Variants in EFEMP2 observed in about 807,000 individuals in gnomAD.
The protein encoded by EFEMP2 is EGF-containing fibulin-like extracellular matrix protein 2.
EFEMP2 carries 21 observed loss-of-function variants against 55.3 expected under a neutral mutation model. That is an observed-to-expected ratio of 0.38 (90% CI 0.27 to 0.55). EFEMP2 has a LOEUF of 0.55. EFEMP2 is among the 20% of genes least tolerant of loss of function. The probability of loss-of-function intolerance (pLI) is 0.77; values close to 1 mark genes in which losing one functional copy is unlikely to be tolerated. For synonymous variants in EFEMP2, 275 were observed against 242.3 expected (o/e 1.14, Z -1.25); for missense variants, 513 against 615.1 (o/e 0.83, Z 1.76).
chr11:65,866,513 T>G lies in EFEMP2; in HGVS notation c.*405A>C, dbSNP rs866269595. The stretch of plus-strand genomic sequence containing the variant: ...ACTAGGGCTTATCCAAATGTACAGT[T>G]TGAGGCAGAGTTAGGAATGGAACCC... On this transcript the variant is annotated 3_prime_UTR_variant, in exon 11 of 11. Transcript: ENST00000307998. The G allele has an allele frequency of 2.1e-5, 15 of 702,690 alleles. No individual in the cohort carries two copies. In the Middle Eastern group the frequency reaches 1.1e-3, roughly 53 times the overall value. 43.5% of individuals were successfully genotyped at this position (702,690 alleles called of 1,614,324 possible).
chr11:65,869,071 T>A, intron 7 of EFEMP2: 1 of 286,332 alleles, frequency 3.5e-6, no homozygotes, highest in Non-Finnish European at 6.8e-6. Context: ...GAACATTTCC[T>A]TTCTCTTGTT....
chr11:65,872,476 G>C lies in EFEMP2; in HGVS notation c.-7-115C>G, dbSNP rs920457198. The C allele has an allele frequency of 2.2e-5, 16 of 725,118 alleles. No homozygotes were observed. In the Admixed American group the frequency reaches 2.8e-4, roughly 12 times the overall value. 44.9% of individuals were successfully genotyped at this position (725,118 alleles called of 1,614,324 possible). On this transcript the variant is annotated intron_variant, in intron 1 of 10. Coordinates refer to ENST00000307998, the MANE Select transcript of EFEMP2 (RefSeq NM_016938.5). ...CCGCTCAGGACCGTGCTTGGGCCTC[G>C]GGGCCTCCCAGGGCTGGGGGCCGAC...
Position 65,871,221 on chromosome 11 carries a change from A to G in EFEMP2, c.303T>C (p.Pro101=), listed in dbSNP as rs1859959407. The change falls in exon 4 of 11, where the codon CCT becomes CCC. Residue 101 remains proline (P), a synonymous_variant. Transcript: ENST00000307998. ...GGCAGGGGTTGGGGTGTTGAGCGGG[A>G]GGCACTGGTGGCGGGGGTCCCTCGC... ...LHGEGPPPPV[P]PAQHPNPCPP... 4 of 1,613,996 alleles carry G rather than the reference A, an allele frequency of 2.5e-6. No homozygotes were observed. Among genetic ancestry groups the G allele is most frequent in the South Asian group, 1.1e-5 (1 of 91,072 alleles).
chr11:65,868,735 G>C, intron 7 of EFEMP2, 106 bp from the exon 8 acceptor site: 1 of 1,481,542 alleles, frequency 6.7e-7, no homozygotes, highest in South Asian at 1.2e-5. Context: ...CTGAATGTAG[G>C]AAGACAGAGG....
chr11:65,872,357 T>G lies in EFEMP2; in HGVS notation c.-3A>C. 1 of 1,548,706 alleles carries G rather than the reference T, an allele frequency of 6.5e-7. No homozygotes were observed. The highest frequency in any genetic ancestry group is 8.7e-7 in the Non-Finnish European group (1 of 1,144,772). On this transcript the variant is annotated 5_prime_UTR_variant, in exon 2 of 11. Transcript: ENST00000307998. ...AGGCAGGAGGCGCAGGGGAGCATCC[T>G]GGGGCTGCGAGATGGTGGACACGGG...
Position 65,868,329 on chromosome 11 carries a change from G to T in EFEMP2, c.940C>A (p.Arg314Ser), listed in dbSNP as rs766452746. ...HGGYRCVDTN[R>S]CVEPYIQVSE... Reference sequence around the variant, plus strand: ...ACCTGGATGTAGGGCTCCACGCAGCGGTTGGTGTCCACGCAGCGGTAGCCC... The same window carrying T: ...ACCTGGATGTAGGGCTCCACGCAGCTGTTGGTGTCCACGCAGCGGTAGCCC... The change falls in exon 9 of 11, where the codon CGC (arginine) becomes AGC (serine). Residue 314 changes from arginine (R) to serine (S), a missense_variant. Arg to Ser is a moderately radical substitution (Grantham distance 110). Coordinates refer to ENST00000307998, the MANE Select transcript of EFEMP2 (RefSeq NM_016938.5). The T allele has an allele frequency of 1.2e-6, 2 of 1,613,810 alleles. No homozygotes were observed. The highest frequency in any genetic ancestry group is 1.7e-6 in the Non-Finnish European group (2 of 1,180,026).
Position 65,866,772 on chromosome 11 carries a change from G to T in EFEMP2, c.*146C>A. 1 of 1,078,778 alleles carries T rather than the reference G, an allele frequency of 9.3e-7. No homozygotes were observed. 66.8% of individuals were successfully genotyped at this position (1,078,778 alleles called of 1,614,324 possible). ...GGCCTGCCCCCCCAAGTGCCACCCT[G>T]CCCCAGCCTGAGGCTTCCTGCAGTG... On this transcript the variant is annotated 3_prime_UTR_variant, in exon 11 of 11. Coordinates refer to ENST00000307998, the MANE Select transcript of EFEMP2 (RefSeq NM_016938.5).
At chr11:65,869,390 A>G in intron 7 of EFEMP2, 1 of 217,490 alleles carries the variant, frequency 4.6e-6, no homozygotes, top group African/African-American at 2.3e-5. Flanking sequence ...AAGGAGGCCA[A>G]GTGTGTCAGG....
rs756326099 is a variant in EFEMP2, at chr11:65,871,169, C to T, written c.355G>A (p.Asp119Asn). The change falls in exon 4 of 11, where the codon GAC (aspartate) becomes AAC (asparagine). Residue 119 changes from aspartate to asparagine, a missense_variant. Coordinates refer to ENST00000307998, the MANE Select transcript of EFEMP2 (RefSeq NM_016938.5). ...AGTCCCCACTCACCCACACAGCTGT[C>T]CTGATCGTCGGGCTCATAGCCTGGT... is the stretch of plus-strand genomic sequence containing the variant. ...CPPGYEPDDQ[D>N]SCVDVDECAQ... The T allele has an allele frequency of 3.1e-6, 5 of 1,614,062 alleles. No homozygotes were observed. Among genetic ancestry groups the T allele is most frequent in the Admixed American group, 3.3e-5 (2 of 60,008 alleles).
At chr11:65,871,892 G>A (rs1352132664) in intron 3 of EFEMP2, 78 bp downstream of exon 3, 1 of 1,521,662 alleles carries the variant, frequency 6.6e-7, no homozygotes, top group African/African-American at 1.4e-5. Flanking sequence ...GTTCTTGGAG[G>A]TGGGGCTGTC....
intron 3 of EFEMP2, 138 bp from the exon 4 acceptor site, chr11:65,871,501 T>C: frequency 1.2e-6 from 1 of 836,526 alleles, no homozygotes; most frequent in Non-Finnish European, 1.9e-6. Flanking sequence ...AAGCTAAGTC[T>C]GCCTGCTCAG....
intron 10 of EFEMP2, 140 bp from the exon 11 acceptor site, chr11:65,867,219 G>A: frequency 1.1e-6 from 1 of 940,274 alleles, no homozygotes; most frequent in African/African-American, 1.6e-5. Flanking sequence ...CTCTCATGCA[G>A]CTCTTTGACA....
At chr11:65,868,234 C>A in intron 9 of EFEMP2, 61 bp downstream of exon 9, 5 of 1,607,926 alleles carry the variant, frequency 3.1e-6, no homozygotes, top group Non-Finnish European at 3.4e-6. Flanking sequence ...AGATGCCAGT[C>A]AGCCCCAAAG....
At chr11:65,871,024 AACAACATGAGTG>A in intron 4 of EFEMP2, 121 bp downstream of exon 4, 1 of 1,169,310 alleles carries the variant, frequency 8.6e-7, no homozygotes. Flanking sequence ...GCAGGTCCTA[AACAACATGAGTG>A]TCTGGATGAG....
chr11:65,869,138 G>C (rs1335596263), intron 7 of EFEMP2: 6 of 243,214 alleles, frequency 2.5e-5, no homozygotes, highest in Non-Finnish European at 4.1e-5. Context: ...CATAACATAG[G>C]GGGTACATGC....
chr11:65,868,294 C>T lies in EFEMP2; in HGVS notation c.974+1G>A. On this transcript the variant is annotated splice_donor_variant, in intron 9 of 10. Coordinates refer to ENST00000307998, the MANE Select transcript of EFEMP2 (RefSeq NM_016938.5). LOFTEE classifies it high-confidence loss of function. ...GGGGGCCTGGCATCGAATTGACTCA[C>T]TTCTCAGAGACCTGGATGTAGGGCT... 1 of 1,613,576 alleles carries T rather than the reference C, an allele frequency of 6.2e-7. No homozygotes were observed. Among genetic ancestry groups the T allele is most frequent in the East Asian group, 2.2e-5 (1 of 44,894 alleles).
intron 3 of EFEMP2, 131 bp from the exon 4 acceptor site, chr11:65,871,494 C>T: frequency 2.3e-6 from 2 of 866,442 alleles, no homozygotes; most frequent in East Asian, 2.6e-5. Context: ...GCTCAACAAG[C>T]TAAGTCTGCC....
chr11:65,869,174 G>T, intron 7 of EFEMP2: 1 of 211,262 alleles, frequency 4.7e-6, no homozygotes. Flanking sequence ...AAGAAGTCTG[G>T]GATCCAGCCC....
rs749135888 is a variant in EFEMP2 at position 65,867,021 on chromosome 11, T to A, written c.1229A>T (p.Glu410Val). ...GACCATCTCCAGGTCCAGCACGTAC[T>A]CCCGGGGGCCCGTCACCGGCCGGGC... ...VLARPVTGPR[E>V]YVLDLEMVTM... Residue 410 changes from glutamate to valine, a missense_variant, in exon 11 of 11, where the codon GAG becomes GTG. Coordinates refer to ENST00000307998, the MANE Select transcript of EFEMP2 (RefSeq NM_016938.5). The A allele has an allele frequency of 3.1e-6, 5 of 1,614,002 alleles. No individual in the cohort carries two copies. The South Asian group carries it at 5.5e-5, about 18-fold the overall frequency.
Sources: gnomAD v4.1 joint callset for allele counts on GRCh38, gnomAD v4.1.1 for gene constraint, MANE v1.5 for transcripts, NCBI Gene and HGNC (gene_info 2026-07-23, HGNC 2026-07-21) for gene names.